Variants in DPP10 observed in about 807,000 individuals in gnomAD.
The protein encoded by DPP10 is dipeptidyl peptidase like 10, also known as inactive dipeptidyl peptidase 10.
Under a neutral mutation model 120.9 loss-of-function variants are expected in DPP10, and 33 were observed. The ratio of observed to expected loss-of-function variants is 0.27; its 90% CI spans 0.21 to 0.37. DPP10 has a LOEUF of 0.37. DPP10 is among the 10% of genes least tolerant of loss of function. The pLI is 1.00. For missense variants in DPP10, 816 were observed against 942.8 expected (o/e 0.87, Z 1.76); for synonymous variants, 337 against 326.1 (o/e 1.03, Z -0.36).
intron 1 of DPP10, among the ~76,000 whole-genome samples, chr2:114,992,421 C>G (rs1258975760): frequency 6.6e-6 from 1 of 152,212 alleles, no homozygotes; most frequent in Non-Finnish European, 1.5e-5. Context: ...AGAACTTCCA[C>G]AGATTGCTGC....
chr2:114,919,328 A>G (rs1331615646), intron 1 of DPP10, among the ~76,000 whole-genome samples: 1 of 152,226 alleles, frequency 6.6e-6, no homozygotes, highest in Non-Finnish European at 1.5e-5. Flanking sequence ...ATAATTCACA[A>G]GCATGTTATG....
chr2:115,170,912 G>A (rs1223399250), intron 1 of DPP10, among the ~76,000 whole-genome samples: 1 of 152,142 alleles, frequency 6.6e-6, no homozygotes, highest in Non-Finnish European at 1.5e-5. Context: ...TATTTGCTCA[G>A]CGTCAGTATC....
At chr2:114,612,555 T>G (rs1558932362) in intron 1 of DPP10, among the ~76,000 whole-genome samples, 1 of 146,598 alleles carries the variant, frequency 6.8e-6, no homozygotes, top group Non-Finnish European at 1.5e-5. Context: ...CATGGTCAGA[T>G]GACTGGAGTT....
chr2:114,982,359 CTTCTT>C, intron 1 of DPP10, among the ~76,000 whole-genome samples: 1 of 152,076 alleles, frequency 6.6e-6, no homozygotes, highest in Non-Finnish European at 1.5e-5. Flanking sequence ...TTCTTCAACT[CTTCTT>C]TTCCAACAAA....
chr2:114,604,358 A>G (rs921220464), intron 1 of DPP10, among the ~76,000 whole-genome samples: 6 of 151,974 alleles, frequency 3.9e-5, no homozygotes, highest in Admixed American at 6.6e-5. Flanking sequence ...GTTTATATTA[A>G]CTCATATTAA....
rs189497722 is a variant in DPP10 at position 115,158,738 on chromosome 2, G to A, written c.61-150501G>A. Among the ~76,000 whole-genome samples the A allele has an allele frequency of 5.1e-3, 781 of 152,208 alleles. 8 individuals are homozygous for A. The highest frequency in any genetic ancestry group is 0.018 in the African/African-American group (736 of 41,526). ...TGTTATAAAATGTATGCTTGTCCAT[G>A]AATTAGCTGATCAAAGATAATACAT... On this transcript the variant is annotated intron_variant, in intron 1 of 25. Coordinates refer to ENST00000410059, the MANE Select transcript of DPP10 (RefSeq NM_020868.6).
intron 4 of DPP10, among the ~76,000 whole-genome samples, chr2:115,512,535 T>A (rs2077289464): frequency 6.6e-6 from 1 of 152,084 alleles, no homozygotes; most frequent in African/African-American, 2.4e-5. Context: ...TTACAGCTAA[T>A]AATTTCCCTG....
chr2:115,297,612 A>C (rs1412073738), intron 1 of DPP10, among the ~76,000 whole-genome samples: 1 of 152,056 alleles, frequency 6.6e-6, no homozygotes, highest in Non-Finnish European at 1.5e-5. Context: ...GGCATTGAAA[A>C]TGCAATGAGA....
chr2:114,889,777 T>C (rs1483091655), intron 1 of DPP10, among the ~76,000 whole-genome samples: 1 of 152,202 alleles, frequency 6.6e-6, no homozygotes, highest in African/African-American at 2.4e-5. Flanking sequence ...CATCTAGAAA[T>C]TTGACAGATG....
rs753424641 is a variant in DPP10 at position 114,450,851 on chromosome 2, A to G, written c.60+8013A>G. Reference sequence around the variant, plus strand: ...TGCATTAGTATAGCAGACACAGGTTACTGCTGATTTCAATAGGTAGGGCTT... The same window carrying G: ...TGCATTAGTATAGCAGACACAGGTTGCTGCTGATTTCAATAGGTAGGGCTT... On this transcript the variant is annotated intron_variant, in intron 1 of 25. Transcript: ENST00000410059. Among the ~76,000 whole-genome samples, 48 of 152,188 alleles carry G rather than the reference A, an allele frequency of 3.2e-4. 1 individual carries two copies. In the Middle Eastern group the frequency reaches 0.014, roughly 43 times the overall value.
intron 1 of DPP10, among the ~76,000 whole-genome samples, chr2:114,934,701 A>G (rs907838558): frequency 2.3e-4 from 35 of 152,050 alleles, no homozygotes; most frequent in African/African-American, 8.0e-4. Flanking sequence ...ACCAAGACTG[A>G]TGCTGGATGA....
chr2:115,680,884 C>T (rs983857874), intron 5 of DPP10, among the ~76,000 whole-genome samples: 4 of 151,732 alleles, frequency 2.6e-5, no homozygotes, highest in African/African-American at 9.7e-5. Context: ...CAAGAACAAA[C>T]AGGAAAAAGA....
At chr2:115,603,157 TGTG>T (rs1483630500) in intron 5 of DPP10, among the ~76,000 whole-genome samples, 1 of 151,632 alleles carries the variant, frequency 6.6e-6, no homozygotes, top group African/African-American at 2.4e-5. Flanking sequence ...TGTGTGTGTG[TGTG>T]TGTGTGTGTA....
chr2:114,862,209 T>C (rs1165033715), intron 1 of DPP10, among the ~76,000 whole-genome samples: 2 of 151,780 alleles, frequency 1.3e-5, no homozygotes, highest in Admixed American at 6.6e-5. Flanking sequence ...TAAAATGAAA[T>C]GGACTTTTAA....
chr2:115,635,246 C>T (rs2086230667), intron 5 of DPP10, among the ~76,000 whole-genome samples: 1 of 152,162 alleles, frequency 6.6e-6, no homozygotes, highest in South Asian at 2.1e-4. Flanking sequence ...TCTGGGAACT[C>T]GGTAGTCTTA....
intron 1 of DPP10, among the ~76,000 whole-genome samples, chr2:114,516,261 C>A (rs1684587749): frequency 6.6e-6 from 1 of 152,148 alleles, no homozygotes; most frequent in Admixed American, 6.5e-5. Flanking sequence ...CTGTTATGGG[C>A]AAATTCGGGA....
rs543718613 is a variant in DPP10, at chr2:115,049,239, G to A, written c.61-260000G>A. Among the ~76,000 whole-genome samples, 4 of 151,862 alleles carry A rather than the reference G, an allele frequency of 2.6e-5. No homozygotes were observed. In the East Asian group the frequency reaches 7.7e-4, roughly 29 times the overall value. On this transcript the variant is annotated intron_variant, in intron 1 of 25. Coordinates refer to ENST00000410059, the MANE Select transcript of DPP10 (RefSeq NM_020868.6). ...ACAAATAATAATAATGATGAAGTTG[G>A]GCAGCAAAGGTAATAAGGAGTTACA...
chr2:115,206,295 A>G (rs972333707), intron 1 of DPP10, among the ~76,000 whole-genome samples: 1 of 152,072 alleles, frequency 6.6e-6, no homozygotes, highest in Admixed American at 6.6e-5. Flanking sequence ...CCAGAAACCA[A>G]TTTTTTAAAC....
intron 1 of DPP10, among the ~76,000 whole-genome samples, chr2:115,205,483 A>G (rs1559236939): frequency 6.6e-6 from 1 of 152,130 alleles, no homozygotes; most frequent in Non-Finnish European, 1.5e-5. Flanking sequence ...TCCTCAGAGA[A>G]CTAAAAATAG....
Sources: gnomAD v4.1 joint callset for allele counts (sites outside exome capture counted in the v4.1 genomes callset) on GRCh38, gnomAD v4.1.1 for gene constraint, MANE v1.5 for transcripts, NCBI Gene and HGNC (gene_info 2026-07-23, HGNC 2026-07-21) for gene names.